DMD: variants seen among roughly 807,000 people sequenced by gnomAD.
The protein encoded by DMD is dystrophin.
In DMD, 63 loss-of-function variants were observed where a neutral mutation model predicts 330.1. That is an observed-to-expected ratio of 0.19 (90% CI 0.16 to 0.24). The LOEUF (loss-of-function observed/expected upper bound fraction) is 0.24. Among genes scored for constraint, DMD ranks in the 10% least tolerant of loss-of-function variants. The pLI, the probability that DMD is intolerant of heterozygous loss-of-function variation, is 1.00. For missense variants in DMD, 3,344 were observed against 2,684.1 expected, an observed-to-expected ratio of 1.25 and a Z score of -5.43; for synonymous variants, 1,223 against 959.8, an observed-to-expected ratio of 1.27 and a Z score of -5.07.
intron 1 of DMD, among the ~76,000 whole-genome samples, chrX:33,094,799 C>T (rs2095133510): frequency 1.1e-5 from 1 of 91,305 alleles, no homozygotes; most frequent in Admixed American, 1.4e-4. Context: ...CAGAGCAAGA[C>T]TCCATCTCAA....
At chrX:32,436,552 G>C (rs2098262122) in intron 29 of DMD, among the ~76,000 whole-genome samples, 1 of 111,710 alleles carries the variant, frequency 9.0e-6, no homozygotes, top group Non-Finnish European at 1.9e-5. Context: ...GTTATAAGTA[G>C]TTTTGTGTTA....
chrX:31,200,709 C>T (rs775675405), intron 67 of DMD, among the ~76,000 whole-genome samples: 25 of 111,004 alleles, frequency 2.3e-4, no homozygotes, highest in East Asian at 8.5e-4. Context: ...TTTTCAAGGA[C>T]GGCATCATAT....
chrX:32,553,023 C>T (rs1053025866), intron 16 of DMD, among the ~76,000 whole-genome samples: 1 of 111,784 alleles, frequency 8.9e-6, no homozygotes, highest in South Asian at 3.7e-4. Flanking sequence ...TCCCAAACAA[C>T]GAAAACCAGA....
chrX:31,990,349 A>T (rs2095541855), intron 44 of DMD, among the ~76,000 whole-genome samples: 1 of 112,025 alleles, frequency 8.9e-6, no homozygotes, highest in Admixed American at 9.5e-5. Flanking sequence ...GAAATAACAT[A>T]GTTTCTCCTA....
Position 31,478,175 on chromosome X carries a change from G to C in DMD, c.8868C>G (p.Ile2956Met), listed in dbSNP as rs201123444. The change falls in exon 59 of 79, where the codon ATC (isoleucine) becomes ATG (methionine). Residue 2956 changes from isoleucine (I) to methionine (M), a missense_variant. Ile to Met is a conservative substitution (Grantham distance 10, BLOSUM62 1). Coordinates refer to ENST00000357033, the MANE Select transcript of DMD (RefSeq NM_004006.3). ...LDLKLRQAEVIKGSWQPVGDL... is the reference protein window; with the variant it reads ...LDLKLRQAEVMKGSWQPVGDL... The stretch of plus-strand genomic sequence containing the variant: ...CGCCCACGGGCTGCCAGGATCCCTT[G>C]ATCACCTCAGCTTGGCGCAGCTTGA... The C allele has an allele frequency of 8.3e-7, 1 of 1,208,946 alleles. No homozygotes were observed. Among genetic ancestry groups the C allele is most frequent in the East Asian group, 3.0e-5 (1 of 33,732 alleles).
At chrX:32,231,822 A>G (rs1325079360) in intron 43 of DMD, among the ~76,000 whole-genome samples, 1 of 111,732 alleles carries the variant, frequency 8.9e-6, no homozygotes, top group Non-Finnish European at 1.9e-5. Context: ...GTTTTACTTT[A>G]TTGAAACCAA....
At chrX:31,895,339 A>G (rs984433152) in intron 47 of DMD, among the ~76,000 whole-genome samples, 1 of 112,386 alleles carries the variant, frequency 8.9e-6, no homozygotes, top group African/African-American at 3.2e-5. Flanking sequence ...GTGAGGAAGA[A>G]GAAAGAGATC....
rs186455127 is a variant in DMD, at chrX:32,508,688, T to C, written c.2293-6846A>G. The stretch of plus-strand genomic sequence containing the variant: ...TAGTTTTTATAGTAAAATGGGGAGC[T>C]AGGAATAATTAAGCTGAGAAAAATG... On this transcript the variant is annotated intron_variant, in intron 18 of 78. Transcript: ENST00000357033. 2.6e-3 allele frequency among the ~76,000 whole-genome samples: 293 copies of C among 112,133 alleles called. 1 individual carries two copies. The highest frequency in any genetic ancestry group is 8.6e-3 in the African/African-American group (265 of 30,865).
chrX:32,728,023 T>G (rs902617134), intron 7 of DMD, among the ~76,000 whole-genome samples: 15 of 111,711 alleles, frequency 1.3e-4, no homozygotes, highest in African/African-American at 4.9e-4. Flanking sequence ...AGGCAAGGCC[T>G]CTATCAATCA....
intron 64 of DMD, among the ~76,000 whole-genome samples, chrX:31,218,178 A>ACAGT (rs1041679537): frequency 2.6e-4 from 29 of 110,618 alleles, no homozygotes; most frequent in African/African-American, 8.9e-4. Flanking sequence ...ATAGAAAGGA[A>ACAGT]CAGTCATTAT....
intron 47 of DMD, among the ~76,000 whole-genome samples, chrX:31,919,917 T>C (rs1181534540): frequency 8.9e-6 from 1 of 112,096 alleles, no homozygotes; most frequent in African/African-American, 3.2e-5. Flanking sequence ...GAGACAGAAA[T>C]AACATCAAAG....
chrX:32,311,139 C>T (rs896371306), intron 41 of DMD, among the ~76,000 whole-genome samples: 1 of 110,856 alleles, frequency 9.0e-6, no homozygotes, highest in African/African-American at 3.3e-5. Context: ...TCTGTCTACA[C>T]TATAGGCAGC....
intron 64 of DMD, among the ~76,000 whole-genome samples, chrX:31,213,609 G>A (rs62590134): frequency 0.054 from 6,048 of 111,815 alleles, 189 homozygotes; most frequent in Admixed American, 0.13. Flanking sequence ...TATGCTGTGA[G>A]GCAGGCTGTG....
At chrX:32,784,474 G>A (rs182723440) in intron 7 of DMD, among the ~76,000 whole-genome samples, 20 of 111,837 alleles carry the variant, frequency 1.8e-4, no homozygotes, top group Admixed American at 1.5e-3. Flanking sequence ...CTTTCAACAA[G>A]AGAAAATAAA....
chrX:31,187,361 C>T (rs955858969), intron 67 of DMD, among the ~76,000 whole-genome samples: 10 of 112,158 alleles, frequency 8.9e-5, no homozygotes, highest in African/African-American at 3.2e-4. Context: ...TTTACTTCTT[C>T]TTCATATGAC....
intron 7 of DMD, among the ~76,000 whole-genome samples, chrX:32,708,974 C>T (rs904587548): frequency 6.3e-5 from 7 of 111,960 alleles, no homozygotes; most frequent in Admixed American, 1.9e-4. Context: ...AACCAGTGGA[C>T]GAACATCACG....
At chrX:32,715,779 G>A (rs1358451635) in intron 7 of DMD, among the ~76,000 whole-genome samples, 1 of 110,890 alleles carries the variant, frequency 9.0e-6, no homozygotes, top group African/African-American at 3.3e-5. Flanking sequence ...GGCAGAGTGA[G>A]ACTTCATCTC....
chrX:31,772,031 G>C (rs958680477), intron 51 of DMD, among the ~76,000 whole-genome samples: 7 of 111,864 alleles, frequency 6.3e-5, no homozygotes, highest in African/African-American at 2.3e-4. Context: ...TGGTAGACTA[G>C]GCTACAGAAG....
chrX:31,468,260 G>C (rs1387887182), intron 59 of DMD, among the ~76,000 whole-genome samples: 1 of 111,824 alleles, frequency 8.9e-6, no homozygotes, highest in Non-Finnish European at 1.9e-5. Flanking sequence ...GTGATGTTAA[G>C]GTGTCAATTT....
Sources: allele counts gnomAD v4.1 joint callset (sites outside exome capture counted in the v4.1 genomes callset), GRCh38; gene constraint gnomAD v4.1.1; transcripts MANE v1.5; gene names NCBI Gene and HGNC (gene_info 2026-07-23, HGNC 2026-07-21).